Variants in KCNH2 observed in about 807,000 individuals in gnomAD.
KCNH2 encodes the protein voltage-gated inwardly rectifying potassium channel KCNH2.
A neutral mutation model predicts 95.9 loss-of-function variants in KCNH2; 35 were observed. The observed-to-expected ratio is 0.37, with a 90% CI of 0.28 to 0.48. The LOEUF (loss-of-function observed/expected upper bound fraction) is 0.48, where lower values mean the gene tolerates loss of function less well. Among genes scored for constraint, KCNH2 ranks in the 20% least tolerant of loss-of-function variants. The pLI is 0.99. For missense variants in KCNH2, 1,274 were observed against 1,702.9 expected (o/e 0.75, Z 4.43); for synonymous variants, 786 against 754.7 (o/e 1.04, Z -0.68).
chr7:150,947,964 CGAGA>C, intron 11 of KCNH2, 86 bp from the exon 12 acceptor site: 1 of 1,420,112 alleles, frequency 7.0e-7, no homozygotes, highest in South Asian at 1.4e-5. Flanking sequence ...GGAGCGAGCC[CGAGA>C]GAGGACTGGG....
rs746592711 is a variant in KCNH2, at chr7:150,952,670, C to T, written c.1312G>A (p.Glu438Lys). The change falls in exon 6 of 15, where the codon GAA (glutamate) becomes AAA (lysine). Residue 438 changes from glutamate (E) to lysine (K), a missense_variant. Coordinates refer to ENST00000262186, the MANE Select transcript of KCNH2 (RefSeq NM_000238.4). This position sits in a 1 kb window ranked among gnomAD's most constrained non-coding sequence, Gnocchi z 7.3. Reference protein sequence around the residue: ...SAAFLLKETEEGPPATECGYA... With the variant: ...SAAFLLKETEKGPPATECGYA... ...CCACACTCGGTAGCAGGCGGGCCTT[C>T]TTCCGTCTCCTTCAGCAGGAAGGCA... The T allele has an allele frequency of 1.2e-6, 2 of 1,614,108 alleles. No homozygotes were observed.
intron 7 of KCNH2, 164 bp from the exon 8 acceptor site, chr7:150,951,284 G>A: frequency 9.5e-7 from 1 of 1,056,356 alleles, no homozygotes; most frequent in Non-Finnish European, 1.4e-6. Context: ...CCCTTCAGTA[G>A]TCCCCGCCCT....
chr7:150,946,929 G>T lies in KCNH2; in HGVS notation c.3278C>A (p.Pro1093Gln). Reference sequence around the variant, plus strand: ...GGGGAGGGGGCTGACGGGCAACAGCGGGGATGTGGAAGTGGGGCCAGGCCC... The same window carrying T: ...GGGGAGGGGGCTGACGGGCAACAGCTGGGATGTGGAAGTGGGGCCAGGCCC... ...TPGPGPTSTS[P>Q]LLPVSPLPTL... Residue 1093 changes from proline to glutamine, a missense_variant, in exon 14 of 15, where the codon CCG becomes CAG. Transcript: ENST00000262186. The surrounding 1 kb of genome is among the most constrained non-coding windows in gnomAD (Gnocchi z 6.5). 1.2e-6 allele frequency: 2 copies of T among 1,602,212 alleles called. No homozygotes were observed. Among genetic ancestry groups the T allele is most frequent in the Non-Finnish European group, 1.7e-6 (2 of 1,172,524 alleles).
At position 150,958,423 on chromosome 7, in the gene KCNH2, G is replaced by C; in HGVS notation, c.552C>G (p.Gly184=). The change falls in exon 4 of 15, where the codon GGC becomes GGG. Residue 184 remains glycine (G), a synonymous_variant. Coordinates refer to ENST00000262186, the MANE Select transcript of KCNH2 (RefSeq NM_000238.4). ...TARESSVRSG[G]AGGAGAPGAV... ...CCCCCGGGGCGCCCGCGCCGCCCGCGCCGCCCGACCGCACCGACGACTCCC... is the reference window on the plus strand; with the variant it reads ...CCCCCGGGGCGCCCGCGCCGCCCGCCCCGCCCGACCGCACCGACGACTCCC... 1 of 1,443,496 alleles carries C rather than the reference G, an allele frequency of 6.9e-7. No individual in the cohort carries two copies. Among genetic ancestry groups the C allele is most frequent in the Non-Finnish European group, 9.0e-7 (1 of 1,107,226 alleles). 89.4% of individuals were successfully genotyped at this position (1,443,496 alleles called of 1,614,324 possible). A position where few individuals can be genotyped will look rare whatever the true frequency, so the allele number is the denominator to read the frequency against.
At chr7:150,949,396 A>G in intron 9 of KCNH2, 1 of 1,100,562 alleles carries the variant, frequency 9.1e-7, no homozygotes, top group Non-Finnish European at 1.1e-6. Flanking sequence ...ACAGTAGTGA[A>G]TCAAAACCAG....
chr7:150,948,394 C>T, intron 11 of KCNH2, 50 bp downstream of exon 11: 1 of 1,439,696 alleles, frequency 6.9e-7, no homozygotes, highest in Non-Finnish European at 9.4e-7. Flanking sequence ...TTCCAGCTCC[C>T]AGCCTCACCT....
At position 150,947,882 on chromosome 7, in the gene KCNH2, T is replaced by G. The variant is rs1800976590; in HGVS notation, c.2693-4A>C. On this transcript the variant is annotated splice_region_variant and splice_polypyrimidine_tract_variant and intron_variant, in intron 11 of 14. Coordinates refer to ENST00000262186, the MANE Select transcript of KCNH2 (RefSeq NM_000238.4). ...ACCTCCCCTGGCTGCTCCGTGTCTGTGGGAAACAGAGAATGGGCCTCAGAG... is the reference window on the plus strand; with the variant it reads ...ACCTCCCCTGGCTGCTCCGTGTCTGGGGGAAACAGAGAATGGGCCTCAGAG... 2.0e-6 allele frequency: 3 copies of G among 1,529,878 alleles called. No homozygotes were observed. Among genetic ancestry groups the G allele is most frequent in the Non-Finnish European group, 2.6e-6 (3 of 1,144,398 alleles). 94.8% of individuals were successfully genotyped at this position (1,529,878 alleles called of 1,614,324 possible). A position where few individuals can be genotyped will look rare whatever the true frequency, so the allele number is the denominator to read the frequency against.
chr7:150,954,632 T>C (rs985982160), intron 5 of KCNH2, among the ~76,000 whole-genome samples: 1 of 152,242 alleles, frequency 6.6e-6, no homozygotes, highest in South Asian at 2.1e-4. Flanking sequence ...TGGGAAGACC[T>C]ACCTGTACCT....
chr7:150,947,113 G>A (rs568807354), intron 13 of KCNH2, 59 bp from the exon 14 acceptor site: 24 of 1,368,042 alleles, frequency 1.8e-5, no homozygotes, highest in Admixed American at 6.3e-5. Flanking sequence ...AGCCTCCACC[G>A]GGAGTGGGGA....
At chr7:150,955,614 C>T (rs1035448053) in intron 5 of KCNH2, 25 of 1,433,744 alleles carry the variant, frequency 1.7e-5, no homozygotes, top group African/African-American at 5.8e-5. Context: ...CGAGGCTGGC[C>T]GACTGGCAAC....
chr7:150,973,872 A>G (rs1425469074), intron 2 of KCNH2, among the ~76,000 whole-genome samples: 3 of 152,158 alleles, frequency 2.0e-5, no homozygotes, highest in African/African-American at 7.2e-5. Flanking sequence ...TGCTTATGGG[A>G]CACACGCTAG....
chr7:150,959,775 C>A, intron 2 of KCNH2, 39 bp from the exon 3 acceptor site: 1 of 1,613,346 alleles, frequency 6.2e-7, no homozygotes, highest in South Asian at 1.1e-5. Flanking sequence ...GGCACCCACT[C>A]AGTGGGCAGA....
At chr7:150,977,219 C>G (rs918184909) in intron 1 of KCNH2, among the ~76,000 whole-genome samples, 11 of 152,190 alleles carry the variant, frequency 7.2e-5, no homozygotes, top group Middle Eastern at 3.2e-3. Context: ...AAGCCCAGCT[C>G]TAGCCCCAGG....
At chr7:150,954,086 A>G (rs1227154150) in intron 5 of KCNH2, among the ~76,000 whole-genome samples, 1 of 152,196 alleles carries the variant, frequency 6.6e-6, no homozygotes, top group Non-Finnish European at 1.5e-5. Context: ...CCTGGGGTGG[A>G]CACAGGGCCT....
intron 10 of KCNH2, 46 bp from the exon 11 acceptor site, chr7:150,948,589 C>T: frequency 6.5e-7 from 1 of 1,542,598 alleles, no homozygotes; most frequent in Non-Finnish European, 9.0e-7. Flanking sequence ...CTCTCCTGCC[C>T]CACCGGGGTC....
Position 150,945,819 on chromosome 7 carries a change from G to A in KCNH2, c.3331-305C>T, listed in dbSNP as rs1010835882. Among the ~76,000 whole-genome samples, 7 of 152,200 alleles carry A rather than the reference G, an allele frequency of 4.6e-5. No homozygotes were observed. The highest frequency in any genetic ancestry group is 5.9e-5 in the Non-Finnish European group (4 of 68,034). On this transcript the variant is annotated intron_variant, in intron 14 of 14. Coordinates refer to ENST00000262186, the MANE Select transcript of KCNH2 (RefSeq NM_000238.4). This position sits in a 1 kb window ranked among gnomAD's most constrained non-coding sequence, Gnocchi z 5.6. ...TGTCTCTTCCCGAGGGAATGTGGCC[G>A]CTGAGCCCAACCCAACCTGGAACAA...
rs200799870 is a variant in KCNH2 at position 150,947,369 on chromosome 7, G to A, written c.3111C>T (p.Asp1037=). The A allele has an allele frequency of 2.1e-4, 321 of 1,547,132 alleles. 1 individual carries two copies. In the African/African-American group the frequency reaches 3.7e-3, roughly 18 times the overall value. ...LSSPGRRPRG[D]VESRLDALQR... is the part of the protein sequence containing the mutation. ...GGAGGGCATCCAGCCTGCTCTCCAC[G>A]TCGCCCCGGGGCCGCCGACCCGGGC... Residue 1037 remains aspartate (D), a synonymous_variant, in exon 13 of 15, where the codon GAC becomes GAT. Transcript: ENST00000262186.
chr7:150,948,602 GC>G, intron 10 of KCNH2, 59 bp from the exon 11 acceptor site: 1 of 1,456,446 alleles, frequency 6.9e-7, no homozygotes, highest in Non-Finnish European at 9.6e-7. Context: ...CCGGGGTCAG[GC>G]CCCAAGCTCC....
In KCNH2 at chr7:150,945,609, C is replaced by A. The variant is rs549950676; in HGVS notation, c.3331-95G>T. 1.5e-6 allele frequency: 2 copies of A among 1,328,678 alleles called. No homozygotes were observed. The highest frequency in any genetic ancestry group is 2.1e-6 in the Non-Finnish European group (2 of 946,374). The allele number at this position is 1,328,678 out of a possible 1,614,324, so 82.3% of individuals were successfully genotyped here. A position where few individuals can be genotyped will look rare whatever the true frequency, so the allele number is the denominator to read the frequency against. On this transcript the variant is annotated intron_variant, in intron 14 of 14. Coordinates refer to ENST00000262186, the MANE Select transcript of KCNH2 (RefSeq NM_000238.4). This position sits in a 1 kb window ranked among gnomAD's most constrained non-coding sequence, Gnocchi z 5.6. ...GGAGAACCCGGGGACAGAGGATGGA[C>A]GGGAGGACAGGAGGGCCAAGAGGAG...
Sources: gnomAD v4.1 joint callset for allele counts (sites outside exome capture counted in the v4.1 genomes callset) on GRCh38, gnomAD v4.1.1 for gene constraint, Gnocchi (gnomAD v3.1) non-coding constraint, MANE v1.5 for transcripts, NCBI Gene and HGNC (gene_info 2026-07-23, HGNC 2026-07-21) for gene names.